Variants in TFEC observed in about 807,000 individuals in gnomAD.
The protein encoded by TFEC is class E basic helix-loop-helix protein 34.
A neutral mutation model predicts 41.6 loss-of-function variants in TFEC; 31 were observed. That is an observed-to-expected ratio of 0.74 (90% CI 0.56 to 1.01). The LOEUF (loss-of-function observed/expected upper bound fraction) is 1.01. TFEC is among the 50% of genes least tolerant of loss of function. TFEC has a pLI of 0.00. For missense variants in TFEC, 402 were observed against 404.1 expected, an observed-to-expected ratio of 0.99 and a Z score of 0.04; for synonymous variants, 143 against 140.6, an observed-to-expected ratio of 1.02 and a Z score of -0.12.
chr7:116,158,108 A>G (rs1174265817), intron 1 of TFEC, among the ~76,000 whole-genome samples: 1 of 152,162 alleles, frequency 6.6e-6, no homozygotes, highest in Non-Finnish European at 1.5e-5. Context: ...AGATAGGTTT[A>G]AGCTTCCCTT....
At chr7:116,051,274 T>C (rs934106599) in intron 3 of TFEC, among the ~76,000 whole-genome samples, 1 of 152,214 alleles carries the variant, frequency 6.6e-6, no homozygotes, top group Non-Finnish European at 1.5e-5. Context: ...TGTGCACATG[T>C]ACCATAGAAC....
At chr7:116,035,640 C>A (rs187085465), upstream of TFEC, among the ~76,000 whole-genome samples, 1 of 151,772 alleles carries the variant, frequency 6.6e-6, no homozygotes, top group Non-Finnish European at 1.5e-5. Context: ...ATTAAACACA[C>A]GATAAGACTA....
At chr7:116,033,249 G>T (rs1174527334), upstream of TFEC, among the ~76,000 whole-genome samples, 1 of 152,016 alleles carries the variant, frequency 6.6e-6, no homozygotes, top group Non-Finnish European at 1.5e-5. Context: ...ATGTGTCAAA[G>T]TGCTTGGCTG....
At position 116,130,430 on chromosome 7, in the gene TFEC, A is replaced by C. The variant is rs117710174; in HGVS notation, c.-68-18392T>G. 6.5e-3 allele frequency among the ~76,000 whole-genome samples: 990 copies of C among 152,362 alleles called. 5 individuals are homozygous for C. The highest frequency in any genetic ancestry group is 7.2e-3 in the Non-Finnish European group (490 of 68,028). On this transcript the variant is annotated intron_variant, in intron 1 of 8. Transcript: ENST00000484212. ...GATGAAAATGGTAATATAGTAACCT[A>C]CAAGAAAATAATACTACACAGTTAA... is the stretch of plus-strand genomic sequence containing the variant.
upstream of TFEC, among the ~76,000 whole-genome samples, chr7:116,032,617 T>C (rs938091405): frequency 6.6e-6 from 1 of 152,038 alleles, no homozygotes; most frequent in Non-Finnish European, 1.5e-5. Context: ...CTCTTATAAG[T>C]GGGAGCTAAA....
intron 1 of TFEC, among the ~76,000 whole-genome samples, chr7:116,022,035 G>A (rs1017900949): frequency 6.6e-6 from 1 of 152,148 alleles, no homozygotes; most frequent in East Asian, 1.9e-4. Context: ...AAAGGCACAA[G>A]GGGAAGGGGT....
chr7:116,142,374 A>T (rs1562984949), intron 1 of TFEC, among the ~76,000 whole-genome samples: 1 of 152,186 alleles, frequency 6.6e-6, no homozygotes, highest in African/African-American at 2.4e-5. Flanking sequence ...TAGTGGACAC[A>T]TTTTAGGGAA....
At chr7:115,962,678 C>T (rs1019618085) in intron 3 of TFEC, among the ~76,000 whole-genome samples, 4 of 151,706 alleles carry the variant, frequency 2.6e-5, no homozygotes, top group Non-Finnish European at 5.9e-5. Context: ...ACACCACATA[C>T]AAAAATTAAC....
At chr7:115,991,542 A>G (rs1316368092) in intron 1 of TFEC, among the ~76,000 whole-genome samples, 1 of 152,208 alleles carries the variant, frequency 6.6e-6, no homozygotes, top group Non-Finnish European at 1.5e-5. Context: ...TCTACCAAGC[A>G]AATGGAAAAC....
At chr7:116,018,655 GT>G (rs1795282924) in intron 1 of TFEC, among the ~76,000 whole-genome samples, 5 of 152,176 alleles carry the variant, frequency 3.3e-5, no homozygotes, top group Admixed American at 3.3e-4. Flanking sequence ...AAGATTTTAA[GT>G]TTTTATTAGA....
intron 3 of TFEC, chr7:115,968,202 T>A: frequency 6.6e-7 from 1 of 1,526,656 alleles, no homozygotes; most frequent in Non-Finnish European, 8.8e-7. Flanking sequence ...AACTTTGAAG[T>A]GTCTATAACC....
chr7:115,947,771 GT>G (rs71137141), intron 6 of TFEC, among the ~76,000 whole-genome samples: 3 of 151,064 alleles, frequency 2.0e-5, no homozygotes, highest in Non-Finnish European at 4.4e-5. Flanking sequence ...GGGGTTGTTT[GT>G]TTTTTCTTGT....
intron 3 of TFEC, among the ~76,000 whole-genome samples, chr7:115,960,943 A>T (rs768908136): frequency 1.3e-5 from 2 of 151,684 alleles, no homozygotes; most frequent in Non-Finnish European, 3.0e-5. Context: ...CTATTCCTAA[A>T]AGGTATAACA....
chr7:116,020,715 T>C (rs558485990), intron 1 of TFEC, among the ~76,000 whole-genome samples: 9 of 152,304 alleles, frequency 5.9e-5, no homozygotes, highest in South Asian at 4.1e-4. Context: ...AGTGTCATTA[T>C]TTTAAAGTTG....
chr7:116,094,238 A>C (rs1035523022), intron 3 of TFEC, among the ~76,000 whole-genome samples: 2 of 152,256 alleles, frequency 1.3e-5, no homozygotes, highest in African/African-American at 4.8e-5. Context: ...TATAAAAGTC[A>C]GAATTGGTTT....
At chr7:115,994,548 A>T (rs938147308) in intron 1 of TFEC, among the ~76,000 whole-genome samples, 5 of 152,204 alleles carry the variant, frequency 3.3e-5, no homozygotes, top group Non-Finnish European at 5.9e-5. Context: ...TGGGCAAAGG[A>T]TATGAACAGA....
chr7:115,968,220 T>C, intron 3 of TFEC: 4 of 1,531,596 alleles, frequency 2.6e-6, no homozygotes, highest in Non-Finnish European at 3.5e-6. Flanking sequence ...ACCTTCACAA[T>C]AGCAATGGTT....
intron 1 of TFEC, among the ~76,000 whole-genome samples, chr7:116,128,197 A>G (rs1411302571): frequency 6.6e-6 from 1 of 152,208 alleles, no homozygotes; most frequent in Non-Finnish European, 1.5e-5. Context: ...CCAGCAAAAC[A>G]TAATATATGA....
intron 3 of TFEC, among the ~76,000 whole-genome samples, chr7:116,069,314 T>C (rs1057461653): frequency 6.6e-6 from 1 of 151,606 alleles, no homozygotes; most frequent in Non-Finnish European, 1.5e-5. Context: ...TCAATCCCTA[T>C]TTGGGTATAT....
Sources: gnomAD v4.1 joint callset for allele counts (sites outside exome capture counted in the v4.1 genomes callset) on GRCh38, gnomAD v4.1.1 for gene constraint, MANE v1.5 for transcripts, NCBI Gene and HGNC (gene_info 2026-07-23, HGNC 2026-07-21) for gene names.